ADAMTS17: variants seen among roughly 807,000 people sequenced by gnomAD.
The protein encoded by ADAMTS17 is ADAM metallopeptidase with thrombospondin type 1 motif 17, also known as A disintegrin and metalloproteinase with thrombospondin motifs 17.
Under a neutral mutation model 141.5 loss-of-function variants are expected in ADAMTS17, and 113 were observed. That is an observed-to-expected ratio of 0.80 (90% confidence interval 0.69 to 0.93). The LOEUF (loss-of-function observed/expected upper bound fraction) is 0.93, where lower values mean the gene tolerates loss of function less well. ADAMTS17 is among the 40% of genes least tolerant of loss of function. ADAMTS17 has a pLI of 0.00. For synonymous variants in ADAMTS17, 768 were observed against 630.6 expected (o/e 1.22, Z -3.27); for missense variants, 1,659 against 1,517.9 (o/e 1.09, Z -1.54).
At chr15:100,222,977 A>G (rs1388011422) in intron 7 of ADAMTS17, among the ~76,000 whole-genome samples, 3 of 152,246 alleles carry the variant, frequency 2.0e-5, no homozygotes, top group African/African-American at 7.2e-5. Flanking sequence ...AATTCTACGA[A>G]GAAAGCTAGG....
At chr15:100,156,834 CAT>C (rs1003699638) in intron 8 of ADAMTS17, among the ~76,000 whole-genome samples, 4 of 152,186 alleles carry the variant, frequency 2.6e-5, no homozygotes, top group African/African-American at 7.2e-5. Flanking sequence ...CACACACACA[CAT>C]GCACATATAA....
intron 4 of ADAMTS17, among the ~76,000 whole-genome samples, chr15:100,266,412 G>A (rs1219569004): frequency 1.3e-5 from 2 of 152,164 alleles, no homozygotes; most frequent in African/African-American, 4.8e-5. Flanking sequence ...ACAGGTGAGC[G>A]GTTTGCCAGG....
At chr15:100,054,380 G>A (rs914765804) in intron 15 of ADAMTS17, among the ~76,000 whole-genome samples, 2 of 152,194 alleles carry the variant, frequency 1.3e-5, no homozygotes, top group Non-Finnish European at 2.9e-5. Flanking sequence ...GAAGACCATG[G>A]TCTGATATCA....
chr15:100,053,865 C>G (rs772463746), intron 16 of ADAMTS17, 32 bp downstream of exon 16: 12 of 1,614,122 alleles, frequency 7.4e-6, no homozygotes, highest in South Asian at 4.4e-5. Flanking sequence ...AGCCACACCC[C>G]CTAAGACAAG....
intron 7 of ADAMTS17, among the ~76,000 whole-genome samples, chr15:100,203,028 C>T (rs900491547): frequency 1.3e-5 from 2 of 152,174 alleles, no homozygotes; most frequent in Non-Finnish European, 2.9e-5. Flanking sequence ...TTTCTCGTAA[C>T]AAAACGGAGG....
chr15:100,001,216 C>T (rs1442259679), intron 18 of ADAMTS17, among the ~76,000 whole-genome samples: 2 of 152,220 alleles, frequency 1.3e-5, no homozygotes, highest in African/African-American at 4.8e-5. Flanking sequence ...CCCATTACCC[C>T]TGAATCTAGA....
chr15:100,322,280 G>T (rs2045755874), intron 3 of ADAMTS17, among the ~76,000 whole-genome samples: 2 of 152,072 alleles, frequency 1.3e-5, no homozygotes, highest in Admixed American at 1.3e-4. Flanking sequence ...AAGTATGGGG[G>T]AGGCATGCTG....
At chr15:100,158,822 C>T (rs368092745) in intron 8 of ADAMTS17, among the ~76,000 whole-genome samples, 11 of 152,244 alleles carry the variant, frequency 7.2e-5, no homozygotes, top group South Asian at 2.1e-4. Flanking sequence ...CTTGAGAAGA[C>T]GTTTCTCTAA....
chr15:100,155,977 A>T (rs1165492102), intron 8 of ADAMTS17, among the ~76,000 whole-genome samples: 1 of 131,252 alleles, frequency 7.6e-6, no homozygotes, highest in Non-Finnish European at 1.7e-5. Flanking sequence ...GCAGCACGCA[A>T]GATCCAGTTG....
At position 100,169,869 on chromosome 15, in the gene ADAMTS17, T is replaced by C. The variant is rs558891129; in HGVS notation, c.1182-14549A>G. ...AGGTGTTGAGAAGCAGCTAAAATCT[T>C]GGACCAGCTTGAAGCAATGACACCT... On this transcript the variant is annotated intron_variant, in intron 8 of 21. Coordinates refer to ENST00000268070, the MANE Select transcript of ADAMTS17 (RefSeq NM_139057.4). Among the ~76,000 whole-genome samples the C allele has an allele frequency of 2.4e-4, 37 of 152,282 alleles. No individual in the cohort carries two copies. In the South Asian group the frequency reaches 7.7e-3, roughly 32 times the overall value.
intron 18 of ADAMTS17, among the ~76,000 whole-genome samples, chr15:100,032,302 C>T (rs547848167): frequency 1.4e-4 from 22 of 152,272 alleles, no homozygotes; most frequent in Admixed American, 7.2e-4. Context: ...CCCGTCAGCA[C>T]CTCTCACTGC....
chr15:100,293,902 A>G (rs2044724067), intron 3 of ADAMTS17, among the ~76,000 whole-genome samples: 1 of 152,240 alleles, frequency 6.6e-6, no homozygotes, highest in Non-Finnish European at 1.5e-5. Context: ...TCCTGAAATG[A>G]AATACGAGTC....
At chr15:100,183,472 T>C (rs1006277085) in intron 8 of ADAMTS17, among the ~76,000 whole-genome samples, 1 of 152,264 alleles carries the variant, frequency 6.6e-6, no homozygotes, top group Admixed American at 6.5e-5. Context: ...TCCTATATTT[T>C]TTCAGTTCTA....
rs1004923864 is a variant in ADAMTS17, at chr15:100,231,061, G to A, written c.1075+23075C>T. Reference sequence around the variant, plus strand: ...AAGTTGGCAACCCCATCAGAACACAGAGAGAGCGCCTGCACATCCTGGGAG... The same window carrying A: ...AAGTTGGCAACCCCATCAGAACACAAAGAGAGCGCCTGCACATCCTGGGAG... On this transcript the variant is annotated intron_variant, in intron 7 of 21. Transcript: ENST00000268070. Among the ~76,000 whole-genome samples, 17 of 152,360 alleles carry A rather than the reference G, an allele frequency of 1.1e-4. 1 individual carries two copies. The highest frequency in any genetic ancestry group is 8.5e-4 in the Admixed American group (13 of 15,302).
intron 2 of ADAMTS17, among the ~76,000 whole-genome samples, chr15:100,335,929 A>T (rs1235043758): frequency 6.6e-6 from 1 of 152,196 alleles, no homozygotes; most frequent in Non-Finnish European, 1.5e-5. Flanking sequence ...GTCCAGGGAA[A>T]AGTTAACCAA....
At chr15:100,337,063 C>T (rs111967694) in intron 2 of ADAMTS17, among the ~76,000 whole-genome samples, 2 of 152,146 alleles carry the variant, frequency 1.3e-5, no homozygotes, top group Non-Finnish European at 2.9e-5. Context: ...TTAGTAGAGA[C>T]GAGGTTTCAC....
intron 8 of ADAMTS17, among the ~76,000 whole-genome samples, chr15:100,160,082 C>A (rs2039620783): frequency 6.6e-6 from 1 of 152,124 alleles, no homozygotes; most frequent in African/African-American, 2.4e-5. Flanking sequence ...GTCTCATCAG[C>A]TGCAGTGTCA....
At chr15:100,275,117 G>A (rs1411967452) in intron 4 of ADAMTS17, among the ~76,000 whole-genome samples, 1 of 152,214 alleles carries the variant, frequency 6.6e-6, no homozygotes, top group Non-Finnish European at 1.5e-5. Context: ...GGGACCCTCT[G>A]AGGGGACATT....
chr15:99,974,787 T>C (rs1431651716), intron 21 of ADAMTS17, among the ~76,000 whole-genome samples: 1 of 152,258 alleles, frequency 6.6e-6, no homozygotes, highest in African/African-American at 2.4e-5. Flanking sequence ...TGACAGAGTG[T>C]GGTGGTCTGG....
Sources: gnomAD v4.1 joint callset for allele counts (sites outside exome capture counted in the v4.1 genomes callset) on GRCh38, gnomAD v4.1.1 for gene constraint, MANE v1.5 for transcripts, NCBI Gene and HGNC (gene_info 2026-07-23, HGNC 2026-07-21) for gene names.